ACYP2: variants seen among roughly 807,000 people sequenced by gnomAD.
ACYP2 encodes the protein acylphosphatase 2.
In ACYP2, 12 loss-of-function variants were observed where a neutral mutation model predicts 11.2. That is an observed-to-expected ratio of 1.08 (90% CI 0.69 to 1.74). The LOEUF (loss-of-function observed/expected upper bound fraction) is 1.74, where lower values mean the gene tolerates loss of function less well. Ranked by LOEUF, ACYP2 falls within the 40% of genes most tolerant of loss-of-function variation. The probability of loss-of-function intolerance (pLI) is 0.00; values close to 1 mark genes in which losing one functional copy is unlikely to be tolerated. For synonymous variants in ACYP2, 43 were observed against 32.2 expected, an observed-to-expected ratio of 1.33 and a Z score of -1.13; for missense variants, 134 against 101.9, an observed-to-expected ratio of 1.31 and a Z score of -1.35.
chr2:54,029,770 A>G, intron 2 of ACYP2: 1 of 594,134 alleles, frequency 1.7e-6, no homozygotes, highest in Non-Finnish European at 3.2e-6. Context: ...GGAACATTGT[A>G]GGCTCTTCCA....
intron 6 of ACYP2, among the ~76,000 whole-genome samples, chr2:54,243,180 G>A (rs912711638): frequency 6.6e-6 from 1 of 151,868 alleles, no homozygotes; most frequent in Non-Finnish European, 1.5e-5. Context: ...GTACAATAAC[G>A]CGTTTAACAC....
At chr2:54,283,193 G>A (rs1688921034) in intron 6 of ACYP2, among the ~76,000 whole-genome samples, 1 of 152,144 alleles carries the variant, frequency 6.6e-6, no homozygotes, top group African/African-American at 2.4e-5. Flanking sequence ...ATTCCTGTTA[G>A]ATATGAATAT....
intron 6 of ACYP2, among the ~76,000 whole-genome samples, chr2:54,244,657 T>A (rs1686873333): frequency 6.6e-6 from 1 of 152,228 alleles, no homozygotes; most frequent in African/African-American, 2.4e-5. Context: ...AGCTTTATAT[T>A]ATTTTATAAT....
In ACYP2 at chr2:54,075,992, T is replaced by C. The variant is rs1404814686; in HGVS notation, c.277+18632T>C. 5.9e-5 allele frequency among the ~76,000 whole-genome samples: 9 copies of C among 152,348 alleles called. No individual in the cohort carries two copies. In the East Asian group the frequency reaches 1.7e-3, roughly 29 times the overall value. On this transcript the variant is annotated intron_variant, in intron 4 of 6. Coordinates refer to ENST00000607452, the MANE Select transcript of ACYP2 (RefSeq NM_001320586.2). ...AGCAGATATTTCGAGTTTTGCATTA[T>C]AAAAAGTGTTTTGATTTTAGATTTA...
intron 4 of ACYP2, among the ~76,000 whole-genome samples, chr2:54,107,331 A>C (rs1679219707): frequency 6.6e-6 from 1 of 152,222 alleles, no homozygotes; most frequent in African/African-American, 2.4e-5. Context: ...ATCTTTCAAC[A>C]GCAATTTATT....
chr2:54,133,422 T>C (rs1270748512), intron 4 of ACYP2, among the ~76,000 whole-genome samples: 2 of 150,696 alleles, frequency 1.3e-5, no homozygotes, highest in Non-Finnish European at 3.0e-5. Flanking sequence ...ATTTAAGCAC[T>C]TTTTTTTTCT....
At chr2:54,163,754 G>A (rs1251029630) in intron 6 of ACYP2, among the ~76,000 whole-genome samples, 1 of 152,032 alleles carries the variant, frequency 6.6e-6, no homozygotes, top group Non-Finnish European at 1.5e-5. Flanking sequence ...TACTAGGGAG[G>A]CTGAGGCAGG....
chr2:54,021,123 G>C (rs114872800), intron 2 of ACYP2, among the ~76,000 whole-genome samples: 2,296 of 152,214 alleles, frequency 0.015, 31 homozygotes, highest in African/African-American at 0.035. Context: ...CACAGTCTAA[G>C]CTAATTCTGA....
At chr2:54,069,888 GAA>G (rs1181318773) in intron 4 of ACYP2, among the ~76,000 whole-genome samples, 2 of 152,076 alleles carry the variant, frequency 1.3e-5, no homozygotes. Context: ...AGATTTTAAT[GAA>G]AGAGAGAAGA....
rs545149069 is a variant in ACYP2, at chr2:54,143,733, GTTTTTTTTTT to G, written c.404+5000_404+5009del. On this transcript the variant is annotated intron_variant, in intron 6 of 6. Coordinates refer to ENST00000607452, the MANE Select transcript of ACYP2 (RefSeq NM_001320586.2). The stretch of plus-strand genomic sequence containing the variant: ...AGGCATGAGCCACCATACCCAGCCG[GTTTTTTTTTT>G]TTTTTTTTTTTTTTGGGGGGGGGGT... Among the ~76,000 whole-genome samples the G allele has an allele frequency of 1.4e-4, 11 of 76,670 alleles. No homozygotes were observed. In the Admixed American group the frequency reaches 2.2e-3, roughly 15 times the overall value. The allele number at this position is 76,670 out of a possible 152,430, so 50.3% of individuals were successfully genotyped here. A position where few individuals can be genotyped will look rare whatever the true frequency, so the allele number is the denominator to read the frequency against.
chr2:54,158,934 T>C (rs1301230544), intron 6 of ACYP2, among the ~76,000 whole-genome samples: 2 of 152,212 alleles, frequency 1.3e-5, no homozygotes, highest in Non-Finnish European at 2.9e-5. Context: ...TTTGTATTTC[T>C]CTTTCTCTTT....
chr2:53,997,091 A>C (rs1672608700), intron 2 of ACYP2, among the ~76,000 whole-genome samples: 1 of 152,160 alleles, frequency 6.6e-6, no homozygotes, highest in Non-Finnish European at 1.5e-5. Context: ...TTGTATTTAC[A>C]GATCTCTTGT....
intron 2 of ACYP2, among the ~76,000 whole-genome samples, chr2:53,991,865 G>A (rs907426609): frequency 5.9e-5 from 9 of 151,868 alleles, no homozygotes; most frequent in African/African-American, 1.9e-4. Flanking sequence ...TCACAAGTGC[G>A]CTCATAGGGT....
chr2:54,021,616 G>T (rs1674013258), intron 2 of ACYP2, among the ~76,000 whole-genome samples: 1 of 152,204 alleles, frequency 6.6e-6, no homozygotes, highest in Non-Finnish European at 1.5e-5. Flanking sequence ...AAGCGCAAAA[G>T]TGGGGTTCCC....
chr2:54,154,232 C>T (rs1029890278), intron 6 of ACYP2, among the ~76,000 whole-genome samples: 1 of 152,100 alleles, frequency 6.6e-6, no homozygotes, highest in East Asian at 1.9e-4. Context: ...CATCAGCAAA[C>T]AGTGACAATT....
Position 54,100,813 on chromosome 2 carries a change from A to C in ACYP2, c.278-34640A>C, listed in dbSNP as rs72906758. Among the ~76,000 whole-genome samples, 829 of 152,352 alleles carry C rather than the reference A, an allele frequency of 5.4e-3. 13 individuals are homozygous for C. The highest frequency in any genetic ancestry group is 0.019 in the African/African-American group (774 of 41,578). ...AGGAAAGTACCTGGTATTTTCAAAA[A>C]ACTAAAACTACTCTTCTATGAATGG... On this transcript the variant is annotated intron_variant, in intron 4 of 6. Transcript: ENST00000607452.
chr2:54,255,550 T>G (rs1687461721), intron 6 of ACYP2: 1 of 1,612,340 alleles, frequency 6.2e-7, no homozygotes, highest in South Asian at 1.1e-5. Context: ...GGGGTTCAGG[T>G]GGAGACCCAC....
chr2:54,303,628 T>C (rs887486937), intron 6 of ACYP2, among the ~76,000 whole-genome samples: 15 of 152,166 alleles, frequency 9.9e-5, no homozygotes, highest in African/African-American at 2.7e-4. Context: ...AAAAGCACAA[T>C]AGCAATTTGA....
intron 4 of ACYP2, among the ~76,000 whole-genome samples, chr2:54,100,210 A>G (rs1479298265): frequency 6.6e-6 from 1 of 151,724 alleles, no homozygotes; most frequent in African/African-American, 2.4e-5. Context: ...TATAGCCAAA[A>G]ACTACTCTTT....
Sources: gnomAD v4.1 joint callset for allele counts (sites outside exome capture counted in the v4.1 genomes callset) on GRCh38, gnomAD v4.1.1 for gene constraint, MANE v1.5 for transcripts, NCBI Gene and HGNC (gene_info 2026-07-23, HGNC 2026-07-21) for gene names.